The following HGF variants were observed in gnomAD, a reference collection of about 807,000 sequenced individuals.
HGF encodes fibroblast-derived tumor cytotoxic factor.
Under a neutral mutation model 111.6 loss-of-function variants are expected in HGF, and 39 were observed. That is an observed-to-expected ratio of 0.35 (90% confidence interval 0.27 to 0.46). HGF has a LOEUF of 0.46. Among genes scored for constraint, HGF ranks in the 20% least tolerant of loss-of-function variants. The pLI is 1.00. For synonymous variants in HGF, 285 were observed against 294.8 expected, an observed-to-expected ratio of 0.97 and a Z score of 0.34; for missense variants, 735 against 910.5, an observed-to-expected ratio of 0.81 and a Z score of 2.48.
chr7:81,710,175 T>G lies in HGF; in HGVS notation c.1513A>C (p.Ile505Leu). ...TATCTCAAACTAACCATCCATCCTA[T>G]GTTTGTTCGTGTTGGAATCCCATTT... ...VVNGIPTRTN[I>L]GWMVSLRYRN... The change falls in exon 13 of 18, where the codon ATA (isoleucine) becomes CTA (leucine). Residue 505 changes from isoleucine (I) to leucine (L), a missense_variant. This residue lies in a region of HGF where 553 missense variants were observed against 685.6 expected (regional missense o/e 0.81). Transcript: ENST00000222390. The G allele has an allele frequency of 6.2e-7, 1 of 1,612,340 alleles. No individual in the cohort carries two copies. Among genetic ancestry groups the G allele is most frequent in the Non-Finnish European group, 8.5e-7 (1 of 1,178,456 alleles).
intron 11 of HGF, among the ~76,000 whole-genome samples, chr7:81,716,823 G>A (rs1789724736): frequency 6.6e-6 from 1 of 152,106 alleles, no homozygotes; most frequent in South Asian, 2.1e-4. Flanking sequence ...CACTAGTTCA[G>A]ATCTGCTCAC....
At position 81,725,992 on chromosome 7, in the gene HGF, T is replaced by G. The variant is rs1178038738; in HGVS notation, c.1066A>C (p.Asn356His). ...CAGGGTGATTCAGACCCATCTGGAT[T>G]TCGGCAGTAATTTTCTCGTAGGTCC... Reference protein sequence around the residue: ...CKDLRENYCRNPDGSESPWCF... With the variant: ...CKDLRENYCRHPDGSESPWCF... Residue 356 changes from asparagine (N) to histidine (H), a missense_variant, in exon 9 of 18, where the codon AAT (asparagine) becomes CAT (histidine). Physicochemically the swap from Asn to His is moderately conservative, Grantham distance 68 (BLOSUM62 1). Coordinates refer to ENST00000222390, the MANE Select transcript of HGF (RefSeq NM_000601.6). 1.2e-6 allele frequency: 2 copies of G among 1,614,022 alleles called. No individual in the cohort carries two copies. Among genetic ancestry groups the G allele is most frequent in the Admixed American group, 3.3e-5 (2 of 60,014 alleles).
At position 81,751,544 on chromosome 7, in the gene HGF, C is replaced by A. The variant is rs1788500256; in HGVS notation, c.625+576G>T. The A allele has an allele frequency of 3.0e-6, 3 of 986,158 alleles. No individual in the cohort carries two copies. The South Asian group carries it at 1.4e-4, about 46-fold the overall frequency. 61.1% of individuals were successfully genotyped at this position (986,158 alleles called of 1,614,324 possible). The stretch of plus-strand genomic sequence containing the variant: ...GTTTGGTGGTCTCCATTGCTTTGAT[C>A]TCTTCAGATCCTATTCTGAATGGTA... On this transcript the variant is annotated intron_variant, in intron 5 of 17. Coordinates refer to ENST00000222390, the MANE Select transcript of HGF (RefSeq NM_000601.6).
intron 7 of HGF, among the ~76,000 whole-genome samples, chr7:81,734,620 G>T (rs1180074391): frequency 1.3e-5 from 2 of 151,994 alleles, no homozygotes; most frequent in Non-Finnish European, 2.9e-5. Flanking sequence ...AAGAGAACAA[G>T]ATCACTAATT....
chr7:81,766,146 G>T (rs1004783106), intron 1 of HGF, among the ~76,000 whole-genome samples: 7 of 152,230 alleles, frequency 4.6e-5, no homozygotes, highest in African/African-American at 1.7e-4. Flanking sequence ...GGTGCTTGAA[G>T]AAAGACACAT....
At chr7:81,709,219 A>G (rs1789508980) in intron 13 of HGF, among the ~76,000 whole-genome samples, 1 of 152,130 alleles carries the variant, frequency 6.6e-6, no homozygotes, top group South Asian at 2.1e-4. Flanking sequence ...AGGAATTTTC[A>G]GGCATAAAAC....
At chr7:81,725,747 C>A in intron 9 of HGF, 143 bp downstream of exon 9, 1 of 924,596 alleles carries the variant, frequency 1.1e-6, no homozygotes, top group Non-Finnish European at 1.8e-6. Context: ...TAAGAAAAAT[C>A]CAGCTTCAAA....
chr7:81,754,852 A>G (rs1788682564), intron 4 of HGF, among the ~76,000 whole-genome samples: 1 of 152,054 alleles, frequency 6.6e-6, no homozygotes, highest in African/African-American at 2.4e-5. Flanking sequence ...GTTTATGAGA[A>G]CCCATTACAC....
intron 11 of HGF, among the ~76,000 whole-genome samples, chr7:81,713,131 A>G (rs1011713186): frequency 5.3e-5 from 8 of 152,300 alleles, no homozygotes; most frequent in East Asian, 3.9e-4. Context: ...TATTTGTTCT[A>G]TCTTGTATAT....
At chr7:81,760,022 A>T (rs761950712) in intron 2 of HGF, among the ~76,000 whole-genome samples, 1 of 152,090 alleles carries the variant, frequency 6.6e-6, no homozygotes, top group Non-Finnish European at 1.5e-5. Context: ...TGCTGATCTC[A>T]TTCACTCTTT....
intron 1 of HGF, among the ~76,000 whole-genome samples, chr7:81,763,514 T>C (rs1442221087): frequency 1.3e-5 from 2 of 152,188 alleles, no homozygotes; most frequent in Non-Finnish European, 2.9e-5. Flanking sequence ...ATGTAAAACT[T>C]CATCCTTTAA....
intron 1 of HGF, among the ~76,000 whole-genome samples, chr7:81,769,278 G>A (rs1483053063): frequency 1.3e-5 from 2 of 152,178 alleles, no homozygotes; most frequent in African/African-American, 2.4e-5. Flanking sequence ...CAAAGTCTCC[G>A]TGCACTGCAG....
rs539248931 is a variant in HGF, at chr7:81,700,654, T to C, written c.*1927A>G. 3.3e-5 allele frequency: 5 copies of C among 151,268 alleles called. No individual in the cohort carries two copies. In the South Asian group the frequency reaches 1.0e-3, roughly 31 times the overall value. The allele number at this position is 151,268 out of a possible 1,614,324, so 9.4% of individuals were successfully genotyped here. A position where few individuals can be genotyped will look rare whatever the true frequency, so the allele number is the denominator to read the frequency against. On this transcript the variant is annotated 3_prime_UTR_variant, in exon 18 of 18. Coordinates refer to ENST00000222390, the MANE Select transcript of HGF (RefSeq NM_000601.6). ...TATACTTTATATTTTGGCAATATGCTCTTGAAATTTCTAGGAGTTCTTACT... is the reference window on the plus strand; with the variant it reads ...TATACTTTATATTTTGGCAATATGCCCTTGAAATTTCTAGGAGTTCTTACT...
At chr7:81,759,076 A>T (rs915429669) in intron 2 of HGF, among the ~76,000 whole-genome samples, 21 of 152,206 alleles carry the variant, frequency 1.4e-4, no homozygotes, top group African/African-American at 4.8e-4. Context: ...AGGCTTGTAG[A>T]AAAATAACAG....
At chr7:81,768,589 T>C (rs547598786) in intron 1 of HGF, among the ~76,000 whole-genome samples, 70 of 152,160 alleles carry the variant, frequency 4.6e-4, no homozygotes, top group Non-Finnish European at 6.8e-4. Context: ...CCTTGTTAGC[T>C]AGGATGGTCT....
chr7:81,760,871 T>C (rs1030366174), intron 2 of HGF, among the ~76,000 whole-genome samples: 1 of 152,134 alleles, frequency 6.6e-6, no homozygotes, highest in Non-Finnish European at 1.5e-5. Context: ...ATCTCATATA[T>C]ATGGAATATG....
At chr7:81,742,958 G>A (rs1313605444) in intron 7 of HGF, 1 of 1,612,594 alleles carries the variant, frequency 6.2e-7, no homozygotes, top group East Asian at 2.2e-5. Flanking sequence ...CTCTGGGGAG[G>A]AAAGGTAGGT....
In HGF at chr7:81,729,754, A is replaced by G; in HGVS notation, c.891T>C (p.Asp297=). 3.7e-6 allele frequency: 6 copies of G among 1,613,996 alleles called. No individual in the cohort carries two copies. The highest frequency in any genetic ancestry group is 1.1e-5 in the South Asian group (1 of 91,078). The change falls in exon 8 of 18, where the codon GAT becomes GAC. Residue 297 remains aspartate, a synonymous_variant. Transcript: ENST00000222390. ...TGCATTCAGTTGTTTCCAAAGGAAC[A>G]TCAGTGTCATTCATAGTATTGTCAG... The part of the protein sequence containing the change: ...TCADNTMNDT[D]VPLETTECIQ...
chr7:81,760,063 A>C (rs1044124325), intron 2 of HGF, among the ~76,000 whole-genome samples: 1 of 152,216 alleles, frequency 6.6e-6, no homozygotes, highest in Non-Finnish European at 1.5e-5. Flanking sequence ...CAAATTCTTT[A>C]AGAAAAGTGT....
Sources: allele counts gnomAD v4.1 joint callset (sites outside exome capture counted in the v4.1 genomes callset), GRCh38; gene constraint gnomAD v4.1.1; regional missense constraint gnomAD v4.1.1; transcripts MANE v1.5; gene names NCBI Gene and HGNC (gene_info 2026-07-23, HGNC 2026-07-21).